The following MECOM variants were observed in gnomAD, a reference collection of about 807,000 sequenced individuals.
MECOM encodes histone-lysine N-methyltransferase MECOM.
In MECOM, 13 loss-of-function variants were observed where a neutral mutation model predicts 116.3. That is an observed-to-expected ratio of 0.11 (90% CI 0.07 to 0.18). The LOEUF is 0.18. Ranked by LOEUF, MECOM falls within the 10% of genes least tolerant of loss-of-function variation. The probability of loss-of-function intolerance (pLI) is 1.00; values close to 1 mark genes in which losing one functional copy is unlikely to be tolerated. For synonymous variants in MECOM, 528 were observed against 535.2 expected (o/e 0.99, Z 0.19); for missense variants, 1,299 against 1,509.0 (o/e 0.86, Z 2.31).
chr3:169,406,999 C>T (rs1216544328), intron 1 of MECOM, among the ~76,000 whole-genome samples: 6 of 151,936 alleles, frequency 3.9e-5, no homozygotes, highest in Middle Eastern at 6.8e-3. Context: ...CCTGCCACCA[C>T]GCCCAGCTAA....
At chr3:169,496,841 T>C (rs1453215825) in intron 1 of MECOM, among the ~76,000 whole-genome samples, 1 of 152,204 alleles carries the variant, frequency 6.6e-6, no homozygotes, top group African/African-American at 2.4e-5. Flanking sequence ...TCTAAACATA[T>C]GGTAATGAAC....
At chr3:169,381,815 AT>A (rs1251792239) in intron 1 of MECOM, among the ~76,000 whole-genome samples, 1 of 152,170 alleles carries the variant, frequency 6.6e-6, no homozygotes, top group African/African-American at 2.4e-5. Context: ...CAGCAACTTC[AT>A]TATTGGTCTG....
At chr3:169,396,261 A>C (rs572526798) in intron 1 of MECOM, among the ~76,000 whole-genome samples, 3 of 152,160 alleles carry the variant, frequency 2.0e-5, no homozygotes, top group Non-Finnish European at 4.4e-5. Flanking sequence ...CAAGTCCACC[A>C]AACTAGTTAT....
intron 2 of MECOM, among the ~76,000 whole-genome samples, chr3:169,175,086 T>C (rs1188095008): frequency 6.6e-6 from 1 of 152,172 alleles, no homozygotes; most frequent in East Asian, 1.9e-4. Context: ...TTTCTGTTTC[T>C]AGCTCTACAA....
At chr3:169,092,913 T>C (rs1481031512) in intron 14 of MECOM, 45 bp downstream of exon 14, 2 of 1,610,900 alleles carry the variant, frequency 1.2e-6, no homozygotes, top group African/African-American at 2.7e-5. Flanking sequence ...TAAAACATGT[T>C]CATTTCAGTC....
intron 2 of MECOM, among the ~76,000 whole-genome samples, chr3:169,296,506 T>C (rs1395995463): frequency 6.6e-6 from 1 of 152,210 alleles, no homozygotes; most frequent in African/African-American, 2.4e-5. Context: ...AAGTTCTTTG[T>C]AGACCATCAG....
intron 1 of MECOM, among the ~76,000 whole-genome samples, chr3:169,635,101 G>A (rs956403983): frequency 6.6e-6 from 1 of 152,108 alleles, no homozygotes; most frequent in Non-Finnish European, 1.5e-5. Context: ...GGCATTGTCC[G>A]GGGAAGGGGG....
rs199665515 is a variant in MECOM, at chr3:169,330,488, GA to G, written c.375+50698del. On this transcript the variant is annotated intron_variant, in intron 2 of 16. Transcript: ENST00000651503. ...ACTGAGTTCCACAGTAGAATTCACA[GA>G]AAAAAAATTATTAAATATAATATTT... is the stretch of plus-strand genomic sequence containing the variant. 2.9e-3 allele frequency among the ~76,000 whole-genome samples: 444 copies of G among 151,682 alleles called. 15 individuals carry two copies. The East Asian group carries it at 0.06, about 20-fold the overall frequency.
At chr3:169,096,042 A>T (rs1326091918) in intron 12 of MECOM, among the ~76,000 whole-genome samples, 1 of 152,290 alleles carries the variant, frequency 6.6e-6, no homozygotes, top group African/African-American at 2.4e-5. Context: ...GTGATAAAAA[A>T]AATCATAAAT....
At chr3:169,587,585 C>T (rs1577008788) in intron 1 of MECOM, among the ~76,000 whole-genome samples, 2 of 152,124 alleles carry the variant, frequency 1.3e-5, no homozygotes, top group East Asian at 3.9e-4. Flanking sequence ...AGGGGAGATG[C>T]AAATATTGTT....
Position 169,169,850 on chromosome 3 carries a change from T to TTC in MECOM, c.376-26019_376-26018insGA, listed in dbSNP as rs1553757716. Among the ~76,000 whole-genome samples, 17 of 151,716 alleles carry TTC rather than the reference T, an allele frequency of 1.1e-4. 1 individual carries two copies. The East Asian group carries it at 1.9e-3, about 17-fold the overall frequency. On this transcript the variant is annotated intron_variant, in intron 2 of 16. Transcript: ENST00000651503. ...CTACAGTTCTACTTTTTTTTTTTTT[T>TTC]CCCATGGGAAAGAAGCAAATACCAG...
chr3:169,104,782 A>G (rs1724789148), intron 10 of MECOM, among the ~76,000 whole-genome samples: 1 of 152,208 alleles, frequency 6.6e-6, no homozygotes, highest in South Asian at 2.1e-4. Flanking sequence ...TTGGCTGTTG[A>G]GAAATGTGTC....
At chr3:169,631,375 ATAT>A (rs1348471042) in intron 1 of MECOM, among the ~76,000 whole-genome samples, 1 of 152,236 alleles carries the variant, frequency 6.6e-6, no homozygotes, top group Non-Finnish European at 1.5e-5. Context: ...AGACAAAACA[ATAT>A]TAATAAATTC....
At chr3:169,135,845 TTTC>T (rs758574598) in intron 3 of MECOM, among the ~76,000 whole-genome samples, 2 of 151,882 alleles carry the variant, frequency 1.3e-5, no homozygotes, top group Non-Finnish European at 2.9e-5. Context: ...TAGTAACAGA[TTTC>T]TTCATGTTCT....
intron 2 of MECOM, chr3:169,147,740 G>C (rs1167459763): frequency 1.0e-6 from 1 of 982,380 alleles, no homozygotes; most frequent in Non-Finnish European, 1.2e-6. Flanking sequence ...GTGTGCGCGC[G>C]AGTGTGTGTG....
intron 2 of MECOM, among the ~76,000 whole-genome samples, chr3:169,298,432 T>A (rs1716055177): frequency 6.6e-6 from 1 of 151,836 alleles, no homozygotes; most frequent in South Asian, 2.1e-4. Flanking sequence ...TTGATAACAT[T>A]TCATATATAA....
chr3:169,089,871 C>G, intron 15 of MECOM, 129 bp downstream of exon 15: 1 of 1,388,670 alleles, frequency 7.2e-7, no homozygotes, highest in Non-Finnish European at 9.6e-7. Flanking sequence ...TCTGATCCAC[C>G]ATGTATCCCT....
At chr3:169,373,410 T>G (rs1487581309) in intron 2 of MECOM, among the ~76,000 whole-genome samples, 1 of 152,002 alleles carries the variant, frequency 6.6e-6, no homozygotes, top group African/African-American at 2.4e-5. Flanking sequence ...ATATTCAATT[T>G]TTTATTCTTA....
At chr3:169,222,950 T>G (rs1485715565) in intron 2 of MECOM, among the ~76,000 whole-genome samples, 1 of 152,114 alleles carries the variant, frequency 6.6e-6, no homozygotes, top group Non-Finnish European at 1.5e-5. Flanking sequence ...TTTTCACATT[T>G]TCTAAAAGAA....
Sources: allele counts gnomAD v4.1 joint callset (sites outside exome capture counted in the v4.1 genomes callset), GRCh38; gene constraint gnomAD v4.1.1; transcripts MANE v1.5; gene names NCBI Gene and HGNC (gene_info 2026-07-23, HGNC 2026-07-21).